The following MAPRE2 variants were observed in gnomAD, a reference collection of about 807,000 sequenced individuals.
MAPRE2 encodes the protein microtubule associated protein RP/EB family member 2.
Under a neutral mutation model 43.2 loss-of-function variants are expected in MAPRE2, and 13 were observed. The ratio of observed to expected loss-of-function variants is 0.30; its 90% CI spans 0.20 to 0.48. The LOEUF (loss-of-function observed/expected upper bound fraction) is 0.48. Ranked by LOEUF, MAPRE2 falls within the 20% of genes least tolerant of loss-of-function variation. MAPRE2 has a pLI of 0.99. For missense variants in MAPRE2, 161 were observed against 400.2 expected (o/e 0.40, Z 5.10); for synonymous variants, 135 against 148.8 (o/e 0.91, Z 0.68).
chr18:35,003,412 C>T (rs1234571412), intron 1 of MAPRE2, among the ~76,000 whole-genome samples: 1 of 152,164 alleles, frequency 6.6e-6, no homozygotes, highest in Non-Finnish European at 1.5e-5. Flanking sequence ...GCAAATTGCC[C>T]CACTACTCTG....
intron 4 of MAPRE2, among the ~76,000 whole-genome samples, chr18:35,119,598 TAGA>T (rs1156664681): frequency 2.6e-5 from 4 of 152,146 alleles, no homozygotes; most frequent in Non-Finnish European, 4.4e-5. Flanking sequence ...TAGGATAATT[TAGA>T]AGAAGCACAG....
At chr18:35,135,820 T>C (rs1440824483) in intron 6 of MAPRE2, among the ~76,000 whole-genome samples, 1 of 152,246 alleles carries the variant, frequency 6.6e-6, no homozygotes, top group African/African-American at 2.4e-5. Context: ...ATGCTGTTGG[T>C]ACAGCTGTGT....
At chr18:35,029,968 A>C (rs1273297629) in intron 2 of MAPRE2, among the ~76,000 whole-genome samples, 1 of 152,238 alleles carries the variant, frequency 6.6e-6, no homozygotes, top group Non-Finnish European at 1.5e-5. Flanking sequence ...AAATGCCTGC[A>C]GTTTCCTTTC....
chr18:35,110,163 A>G (rs908460035), intron 4 of MAPRE2, among the ~76,000 whole-genome samples: 3 of 152,152 alleles, frequency 2.0e-5, no homozygotes, highest in African/African-American at 7.2e-5. Flanking sequence ...CTCACAAGAT[A>G]ATGTTATAAC....
chr18:35,050,144 T>C (rs1905861926), intron 1 of MAPRE2, among the ~76,000 whole-genome samples: 1 of 152,184 alleles, frequency 6.6e-6, no homozygotes, highest in African/African-American at 2.4e-5. Flanking sequence ...TGTGTACCTT[T>C]TTATGTTTTT....
chr18:35,020,257 C>T (rs1463768715), intron 2 of MAPRE2, among the ~76,000 whole-genome samples: 3 of 152,036 alleles, frequency 2.0e-5, no homozygotes, highest in Non-Finnish European at 4.4e-5. Flanking sequence ...CTAAAGAACT[C>T]GATTCTAGGC....
At chr18:35,053,675 AT>A (rs1228439514) in intron 1 of MAPRE2, among the ~76,000 whole-genome samples, 4 of 151,904 alleles carry the variant, frequency 2.6e-5, no homozygotes, top group East Asian at 3.9e-4. Context: ...TGCATAGAAA[AT>A]TTTTTTTCTT....
intron 6 of MAPRE2, 102 bp from the exon 7 acceptor site, chr18:35,140,193 C>A: frequency 9.5e-7 from 1 of 1,050,686 alleles, no homozygotes; most frequent in Non-Finnish European, 1.4e-6. Flanking sequence ...TGGTGCCCTC[C>A]ACAGCCTTGA....
chr18:35,032,137 C>T (rs1568977362), intron 2 of MAPRE2, among the ~76,000 whole-genome samples: 1 of 152,168 alleles, frequency 6.6e-6, no homozygotes, highest in Non-Finnish European at 1.5e-5. Flanking sequence ...CTGTACCTGC[C>T]ATTCCCTACT....
chr18:35,013,752 T>C (rs908512410), intron 2 of MAPRE2, among the ~76,000 whole-genome samples: 2 of 152,156 alleles, frequency 1.3e-5, no homozygotes, highest in Non-Finnish European at 2.9e-5. Flanking sequence ...GTAATAGCTT[T>C]CACGTATTAG....
chr18:35,010,355 G>A lies in MAPRE2; in HGVS notation c.-8+4802G>A, dbSNP rs2097033927. On this transcript the variant is annotated intron_variant, in intron 2 of 7. Coordinates refer to the MAPRE2 transcript ENST00000413393. ...CAAGAGTTCAAGGCTACAGTGAGCCGTGATTGTACCACTGCATACCAGCTT... is the reference window on the plus strand; with the variant it reads ...CAAGAGTTCAAGGCTACAGTGAGCCATGATTGTACCACTGCATACCAGCTT... 1.3e-5 allele frequency among the ~76,000 whole-genome samples: 2 copies of A among 152,340 alleles called. 1 individual carries two copies. Among genetic ancestry groups the A allele is most frequent in the South Asian group, 4.1e-4 (2 of 4,828 alleles).
At chr18:35,039,010 A>G (rs2097052188), upstream of MAPRE2, among the ~76,000 whole-genome samples, 1 of 152,164 alleles carries the variant, frequency 6.6e-6, no homozygotes, top group Non-Finnish European at 1.5e-5. Context: ...ACTAGAAACA[A>G]AGTGGGTGTG....
At position 35,140,539 on chromosome 18, in the gene MAPRE2, C is replaced by T; in HGVS notation, c.*170C>T. On this transcript the variant is annotated 3_prime_UTR_variant, in exon 7 of 7. Transcript: ENST00000300249. ...CTGCGCTTGGTTCCCATTTTCTTTG[C>T]CAAGGTGTATTAGCGGACGGCCCTC... 1.5e-6 allele frequency: 1 copy of T among 684,398 alleles called. No individual in the cohort carries two copies. The allele number at this position is 684,398 out of a possible 1,614,324, so 42.4% of individuals were successfully genotyped here.
rs1294273164 is a variant in MAPRE2, at chr18:35,141,841, T to C, written c.*1472T>C. On this transcript the variant is annotated 3_prime_UTR_variant, in exon 7 of 7. Coordinates refer to ENST00000300249, the MANE Select transcript of MAPRE2 (RefSeq NM_014268.4). ...TTAACTGAAAAGCTTAAAATAAATT[T>C]CTGAATTATGTATCCTGAAGCTTTG... 6.6e-6 allele frequency: 1 copy of C among 152,232 alleles called. No homozygotes were observed. Among genetic ancestry groups the C allele is most frequent in the Non-Finnish European group, 1.5e-5 (1 of 68,046 alleles). The allele number at this position is 152,232 out of a possible 1,614,324, so 9.4% of individuals were successfully genotyped here. A position where few individuals can be genotyped will look rare whatever the true frequency, so the allele number is the denominator to read the frequency against.
At chr18:35,016,773 T>C (rs1389102499) in intron 2 of MAPRE2, among the ~76,000 whole-genome samples, 1 of 152,116 alleles carries the variant, frequency 6.6e-6, no homozygotes, top group East Asian at 1.9e-4. Flanking sequence ...ACTTTGTTGA[T>C]AGTTTCTTCT....
chr18:35,058,555 G>A lies in MAPRE2; in HGVS notation c.123-11640G>A, dbSNP rs16966364. Among the ~76,000 whole-genome samples, 805 of 152,200 alleles carry A rather than the reference G, an allele frequency of 5.3e-3. 9 individuals are homozygous for A. Among genetic ancestry groups the A allele is most frequent in the African/African-American group, 0.019 (782 of 41,514 alleles). On this transcript the variant is annotated intron_variant, in intron 1 of 6. Coordinates refer to ENST00000300249, the MANE Select transcript of MAPRE2 (RefSeq NM_014268.4). ...TTTACCACAAAAAGCAAATTGAGAG[G>A]CTTGAACCTCAAATCTGTAGTAACT...
chr18:35,058,699 T>G (rs1255505250), intron 1 of MAPRE2, among the ~76,000 whole-genome samples: 1 of 152,180 alleles, frequency 6.6e-6, no homozygotes, highest in Non-Finnish European at 1.5e-5. Flanking sequence ...CACCCAAATC[T>G]CTACATTTTG....
chr18:35,007,100 A>G (rs1432083114), intron 2 of MAPRE2, among the ~76,000 whole-genome samples: 1 of 152,222 alleles, frequency 6.6e-6, no homozygotes, highest in Non-Finnish European at 1.5e-5. Context: ...AGAAATAGGA[A>G]GAACCAGGAA....
chr18:35,041,258 C>T (rs1905338218), upstream of MAPRE2: 1 of 1,282,742 alleles, frequency 7.8e-7, no homozygotes, highest in Non-Finnish European at 1.0e-6. Context: ...CTGGCGTGGT[C>T]ACGCCGCGAC....
Sources: gnomAD v4.1 joint callset for allele counts (sites outside exome capture counted in the v4.1 genomes callset) on GRCh38, gnomAD v4.1.1 for gene constraint, MANE v1.5 for transcripts, NCBI Gene and HGNC (gene_info 2026-07-23, HGNC 2026-07-21) for gene names.